The following TBC1D5 variants were observed in gnomAD, a reference collection of about 807,000 sequenced individuals.
TBC1D5 encodes TBC1 domain family member 5, also known as TBC1 domain family, member 5.
A neutral mutation model predicts 100.3 loss-of-function variants in TBC1D5; 75 were observed. The observed-to-expected ratio is 0.75, with a 90% confidence interval of 0.62 to 0.91. The LOEUF (loss-of-function observed/expected upper bound fraction) is 0.91, where lower values mean the gene tolerates loss of function less well. Among genes scored for constraint, TBC1D5 ranks in the 40% least tolerant of loss-of-function variants. TBC1D5 has a pLI of 0.00. For synonymous variants in TBC1D5, 323 were observed against 325.6 expected, an observed-to-expected ratio of 0.99 and a Z score of 0.09; for missense variants, 910 against 942.4, an observed-to-expected ratio of 0.97 and a Z score of 0.45.
chr3:17,503,996 G>A (rs2095814404), intron 3 of TBC1D5, among the ~76,000 whole-genome samples: 1 of 149,154 alleles, frequency 6.7e-6, no homozygotes, highest in South Asian at 2.1e-4. Flanking sequence ...AAGGAAGAGA[G>A]GTCAAAGAGA....
chr3:17,715,717 G>A (rs566765430), intron 1 of TBC1D5, among the ~76,000 whole-genome samples: 9 of 151,892 alleles, frequency 5.9e-5, no homozygotes, highest in Non-Finnish European at 1.0e-4. Context: ...TGGAAAGATC[G>A]CTTGAGCCCA....
intron 8 of TBC1D5, among the ~76,000 whole-genome samples, chr3:17,399,073 A>G (rs2093582373): frequency 6.6e-6 from 1 of 152,068 alleles, no homozygotes; most frequent in Non-Finnish European, 1.5e-5. Context: ...AGCAGAGGAG[A>G]GCATGAAAGA....
At chr3:17,547,850 C>T (rs2096433794) in intron 2 of TBC1D5, among the ~76,000 whole-genome samples, 1 of 152,194 alleles carries the variant, frequency 6.6e-6, no homozygotes, top group African/African-American at 2.4e-5. Context: ...TATACTTCCT[C>T]ACTCTTCTCA....
intron 2 of TBC1D5, among the ~76,000 whole-genome samples, chr3:17,607,926 A>T (rs538180169): frequency 6.6e-6 from 1 of 152,150 alleles, no homozygotes; most frequent in South Asian, 2.1e-4. Flanking sequence ...TGAAAAAAAA[A>T]CTTTTTACTA....
In TBC1D5 at chr3:17,707,034, G is replaced by A. The variant is rs188087419; in HGVS notation, c.-101+32309C>T. Among the ~76,000 whole-genome samples, 155 of 151,798 alleles carry A rather than the reference G, an allele frequency of 1.0e-3. 2 individuals are homozygous for A. In the South Asian group the frequency reaches 0.018, roughly 18 times the overall value. Reference sequence around the variant, plus strand: ...TAAATTAGTGGACTTCCTAAACTTTGGGATAATTTCGGTAAATGTTTTTTG... The same window carrying A: ...TAAATTAGTGGACTTCCTAAACTTTAGGATAATTTCGGTAAATGTTTTTTG... On this transcript the variant is annotated intron_variant, in intron 1 of 21. Transcript: ENST00000253692.
rs145585499 is a variant in TBC1D5, at chr3:17,601,507, G to A, written c.-36+22342C>T. The stretch of plus-strand genomic sequence containing the variant: ...GCCTGGGCAACAAGAGCGAAACTCC[G>A]TCTCAAAATCAAACAAACAGAAGAC... On this transcript the variant is annotated intron_variant, in intron 2 of 21. Transcript: ENST00000253692. 3.7e-3 allele frequency among the ~76,000 whole-genome samples: 565 copies of A among 152,188 alleles called. 3 individuals are homozygous for A. The highest frequency in any genetic ancestry group is 0.014 in the Middle Eastern group (4 of 294).
chr3:17,730,187 T>G (rs573076263), intron 1 of TBC1D5, among the ~76,000 whole-genome samples: 1 of 152,338 alleles, frequency 6.6e-6, no homozygotes, highest in East Asian at 1.9e-4. Context: ...ATTAATTCAT[T>G]CCACAATTTT....
intron 8 of TBC1D5, among the ~76,000 whole-genome samples, chr3:17,400,912 T>C (rs1165240629): frequency 1.3e-5 from 2 of 152,132 alleles, no homozygotes; most frequent in East Asian, 1.9e-4. Flanking sequence ...AGCCATAGAC[T>C]GAAGGCTGCA....
intron 2 of TBC1D5, among the ~76,000 whole-genome samples, chr3:17,524,263 A>G (rs1283522631): frequency 2.6e-5 from 4 of 152,208 alleles, no homozygotes. Context: ...CAAAATAAAA[A>G]AGGTAGATAA....
intron 15 of TBC1D5, among the ~76,000 whole-genome samples, chr3:17,260,214 A>G (rs897144492): frequency 2.0e-5 from 3 of 152,214 alleles, no homozygotes; most frequent in Non-Finnish European, 4.4e-5. Flanking sequence ...CTTTATTCTC[A>G]GTACCTGGAA....
intron 2 of TBC1D5, among the ~76,000 whole-genome samples, chr3:17,566,946 G>A (rs1276940871): frequency 6.6e-6 from 1 of 151,718 alleles, no homozygotes; most frequent in Non-Finnish European, 1.5e-5. Context: ...GTCAGGAAAG[G>A]AATGTCTTTG....
Position 17,238,138 on chromosome 3 carries a change from T to C in TBC1D5, c.1588+25A>G, listed in dbSNP as rs765275586. On this transcript the variant is annotated intron_variant, in intron 17 of 21. Coordinates refer to ENST00000253692, the Ensembl canonical transcript of TBC1D5. ...CAGGCTACACCATGAATGTTTTCTT[T>C]AGATTTACTAGTATTTTTTCCTACC... is the stretch of plus-strand genomic sequence containing the variant. 17 of 1,601,182 alleles carry C rather than the reference T, an allele frequency of 1.1e-5. No homozygotes were observed. In the South Asian group the frequency reaches 1.8e-4, roughly 17 times the overall value.
intron 17 of TBC1D5, 53 bp downstream of exon 18, chr3:17,233,632 G>A: frequency 9.1e-7 from 1 of 1,099,888 alleles, no homozygotes; most frequent in Non-Finnish European, 1.3e-6. Flanking sequence ...AGTAGGCAAT[G>A]ATAATACTGT....
intron 19 of TBC1D5, among the ~76,000 whole-genome samples, chr3:17,171,056 A>C (rs899965208): frequency 6.6e-6 from 1 of 152,156 alleles, no homozygotes; most frequent in Admixed American, 6.5e-5. Context: ...TTGCCCGAAA[A>C]ACCTGTGAAC....
intron 3 of TBC1D5, among the ~76,000 whole-genome samples, chr3:17,458,640 A>G (rs1310185159): frequency 6.6e-6 from 1 of 152,028 alleles, no homozygotes; most frequent in Admixed American, 6.6e-5. Context: ...CCCTGCAGGT[A>G]TTTGTCTCTA....
intron 3 of TBC1D5, among the ~76,000 whole-genome samples, chr3:17,431,763 T>C (rs1425563896): frequency 6.6e-6 from 1 of 152,086 alleles, no homozygotes; most frequent in Non-Finnish European, 1.5e-5. Context: ...CTAACATGTG[T>C]ATCTAACTTA....
chr3:17,517,445 A>G (rs1292497093), intron 2 of TBC1D5, among the ~76,000 whole-genome samples: 1 of 152,222 alleles, frequency 6.6e-6, no homozygotes, highest in East Asian at 1.9e-4. Context: ...GTTACACAAT[A>G]TGCAAGCTTT....
chr3:17,642,379 G>A (rs946973922), intron 1 of TBC1D5, among the ~76,000 whole-genome samples: 4 of 152,026 alleles, frequency 2.6e-5, no homozygotes, highest in Admixed American at 6.6e-5. Context: ...ATAAGGTAGA[G>A]TTATTCCTAT....
At chr3:17,664,610 C>T (rs2067030573) in intron 1 of TBC1D5, among the ~76,000 whole-genome samples, 1 of 151,996 alleles carries the variant, frequency 6.6e-6, no homozygotes, top group Non-Finnish European at 1.5e-5. Context: ...CAGAGCGAGA[C>T]GAAGAGGACA....
Sources: gnomAD v4.1 joint callset for allele counts (sites outside exome capture counted in the v4.1 genomes callset) on GRCh38, gnomAD v4.1.1 for gene constraint, MANE v1.5 for transcripts, NCBI Gene and HGNC (gene_info 2026-07-23, HGNC 2026-07-21) for gene names.